Variants in ANKRD22 observed in about 807,000 individuals in gnomAD.
ANKRD22 encodes the protein ankyrin repeat domain 22, also known as ankyrin repeat domain-containing protein 22.
A neutral mutation model predicts 25.7 loss-of-function variants in ANKRD22; 24 were observed. That is an observed-to-expected ratio of 0.93 (90% confidence interval 0.68 to 1.31). The LOEUF (loss-of-function observed/expected upper bound fraction) is 1.31, where lower values mean the gene tolerates loss of function less well. Among genes scored for constraint, ANKRD22 ranks in the 50% most tolerant of loss-of-function variants. The probability of loss-of-function intolerance (pLI) is 0.00; values close to 1 mark genes in which losing one functional copy is unlikely to be tolerated. For missense variants in ANKRD22, 214 were observed against 227.1 expected, an observed-to-expected ratio of 0.94 and a Z score of 0.37; for synonymous variants, 84 against 84.3, an observed-to-expected ratio of 1.00 and a Z score of 0.02.
At chr10:88,823,187 A>C in intron 5 of ANKRD22, 93 bp downstream of exon 5, 1 of 1,309,380 alleles carries the variant, frequency 7.6e-7, no homozygotes, top group Non-Finnish European at 1.1e-6. Context: ...ACTGTTGTTT[A>C]CGTCAGAGGC....
intron 2 of ANKRD22, among the ~76,000 whole-genome samples, chr10:88,829,446 A>G (rs895858605): frequency 2.0e-5 from 3 of 152,220 alleles, no homozygotes; most frequent in African/African-American, 7.2e-5. Context: ...GAAACTAGAG[A>G]GGAACATAAC....
At chr10:88,846,713 T>G (rs1392045057) in intron 1 of ANKRD22, among the ~76,000 whole-genome samples, 1 of 152,190 alleles carries the variant, frequency 6.6e-6, no homozygotes, top group Non-Finnish European at 1.5e-5. Flanking sequence ...TGTGTGTGCC[T>G]GCTGCATTAG....
chr10:88,844,645 T>C (rs1328209948), intron 1 of ANKRD22, among the ~76,000 whole-genome samples: 2 of 152,228 alleles, frequency 1.3e-5, no homozygotes, highest in East Asian at 1.9e-4. Flanking sequence ...GGAATCTTTA[T>C]GGTTAAAAGT....
chr10:88,839,439 C>A (rs903768931), intron 1 of ANKRD22, among the ~76,000 whole-genome samples: 2 of 152,108 alleles, frequency 1.3e-5, no homozygotes, highest in Non-Finnish European at 2.9e-5. Context: ...CTGGTCAGGT[C>A]AATTTCCTCA....
chr10:88,841,002 C>A (rs1000145390), intron 1 of ANKRD22, among the ~76,000 whole-genome samples: 1 of 152,016 alleles, frequency 6.6e-6, no homozygotes, highest in Non-Finnish European at 1.5e-5. Flanking sequence ...TCCTCATGAA[C>A]GATAGCAGAA....
chr10:88,823,088 T>C (rs1285285290), intron 5 of ANKRD22, 70 bp from the exon 6 acceptor site: 6 of 1,466,750 alleles, frequency 4.1e-6, no homozygotes, highest in Non-Finnish European at 4.8e-6. Context: ...TTAGACCAAT[T>C]GACTCTCTGT....
chr10:88,839,901 C>T lies in ANKRD22; in HGVS notation c.22-7875G>A, dbSNP rs187646753. ...AACACGACCCAGGCCCCACTATTGA[C>T]CAGTTAAATAAGAATCTGTAAGAAT... On this transcript the variant is annotated intron_variant, in intron 1 of 5. Coordinates refer to ENST00000371930, the MANE Select transcript of ANKRD22 (RefSeq NM_144590.3). Among the ~76,000 whole-genome samples the T allele has an allele frequency of 2.2e-3, 332 of 152,182 alleles. 1 individual carries two copies. The highest frequency in any genetic ancestry group is 4.5e-3 in the Admixed American group (68 of 15,270).
chr10:88,827,176 T>A (rs1843863128), intron 3 of ANKRD22, among the ~76,000 whole-genome samples: 1 of 151,956 alleles, frequency 6.6e-6, no homozygotes, highest in Non-Finnish European at 1.5e-5. Context: ...GGCTTCCCTC[T>A]TGTGTCACCT....
chr10:88,846,122 T>C (rs1844045937), intron 1 of ANKRD22, among the ~76,000 whole-genome samples: 1 of 152,156 alleles, frequency 6.6e-6, no homozygotes, highest in African/African-American at 2.4e-5. Flanking sequence ...AGGTACTTTT[T>C]TTTGCGTATG....
intron 1 of ANKRD22, among the ~76,000 whole-genome samples, chr10:88,841,615 T>G (rs957135532): frequency 1.3e-5 from 2 of 152,142 alleles, no homozygotes; most frequent in Non-Finnish European, 2.9e-5. Context: ...AGACCAGGCT[T>G]GAAGAATCTC....
chr10:88,823,475 T>C, intron 4 of ANKRD22, 97 bp from the exon 5 acceptor site: 1 of 881,828 alleles, frequency 1.1e-6, no homozygotes, highest in Non-Finnish European at 1.9e-6. Flanking sequence ...CACTTTGTAG[T>C]ATACAACTAA....
chr10:88,833,186 T>C (rs988557906), intron 1 of ANKRD22, among the ~76,000 whole-genome samples: 1 of 152,162 alleles, frequency 6.6e-6, no homozygotes, highest in African/African-American at 2.4e-5. Flanking sequence ...TACTGCTATT[T>C]CTCCAGCATT....
intron 1 of ANKRD22, among the ~76,000 whole-genome samples, chr10:88,840,591 T>G (rs1843995113): frequency 6.6e-6 from 1 of 152,254 alleles, no homozygotes; most frequent in East Asian, 1.9e-4. Context: ...GCCATCTCCA[T>G]GCTACAAGCT....
rs1483035899 is a variant in ANKRD22, at chr10:88,825,005, T to TCACACACACACA, written c.399+1032_399+1033insTGTGTGTGTGTG. On this transcript the variant is annotated intron_variant, in intron 4 of 5. Coordinates refer to ENST00000371930, the MANE Select transcript of ANKRD22 (RefSeq NM_144590.3). ...CTTTTGCTCTCTCTCTCTCTCTCTC[T>TCACACACACACA]CTCTCTCACACACACACACACACAC... 3.0e-4 allele frequency among the ~76,000 whole-genome samples: 28 copies of TCACACACACACA among 92,344 alleles called. No individual in the cohort carries two copies. The East Asian group carries it at 3.4e-3, about 11-fold the overall frequency. The allele number at this position is 92,344 out of a possible 152,430, so 60.6% of individuals were successfully genotyped here.
intron 3 of ANKRD22, among the ~76,000 whole-genome samples, chr10:88,827,266 T>A (rs1185765601): frequency 2.6e-5 from 4 of 152,224 alleles, no homozygotes; most frequent in African/African-American, 4.8e-5. Flanking sequence ...TTTCCTCTCA[T>A]GTCACTTATT....
At chr10:88,842,171 A>C (rs1349404376) in intron 1 of ANKRD22, among the ~76,000 whole-genome samples, 1 of 152,168 alleles carries the variant, frequency 6.6e-6, no homozygotes, top group African/African-American at 2.4e-5. Context: ...ATAACAGTAA[A>C]AAGTTTCACA....
At chr10:88,830,798 C>A (rs188088722) in intron 2 of ANKRD22, among the ~76,000 whole-genome samples, 1 of 152,292 alleles carries the variant, frequency 6.6e-6, no homozygotes, top group African/African-American at 2.4e-5. Flanking sequence ...CTTAAAAGAG[C>A]GCAGGAACCC....
At chr10:88,825,747 A>G (rs1228906226) in intron 4 of ANKRD22, among the ~76,000 whole-genome samples, 2 of 152,228 alleles carry the variant, frequency 1.3e-5, no homozygotes, top group African/African-American at 4.8e-5. Context: ...CTTCTTAACT[A>G]TTATGGCTGG....
At chr10:88,840,443 C>A (rs1186764445) in intron 1 of ANKRD22, among the ~76,000 whole-genome samples, 3 of 152,106 alleles carry the variant, frequency 2.0e-5, no homozygotes, top group Admixed American at 6.6e-5. Flanking sequence ...TCTTTAAAAG[C>A]AAAGCTTCCC....
Sources: allele counts gnomAD v4.1 joint callset (sites outside exome capture counted in the v4.1 genomes callset), GRCh38; gene constraint gnomAD v4.1.1; transcripts MANE v1.5; gene names NCBI Gene and HGNC (gene_info 2026-07-23, HGNC 2026-07-21).